The following PTPRG variants were observed in gnomAD, a reference collection of about 807,000 sequenced individuals.
PTPRG encodes protein tyrosine phosphatase receptor type G, also known as receptor-type tyrosine-protein phosphatase gamma.
In PTPRG, 102 loss-of-function variants were observed where a neutral mutation model predicts 165.3. That is an observed-to-expected ratio of 0.62 (90% CI 0.53 to 0.73). The LOEUF (loss-of-function observed/expected upper bound fraction) is 0.73, where lower values mean the gene tolerates loss of function less well. Among genes scored for constraint, PTPRG ranks in the 30% least tolerant of loss-of-function variants. The pLI is 0.00. For missense variants in PTPRG, 1,866 were observed against 1,861.4 expected (o/e 1.00, Z -0.05); for synonymous variants, 675 against 669.5 (o/e 1.01, Z -0.13).
intron 4 of PTPRG, among the ~76,000 whole-genome samples, chr3:62,060,665 C>G (rs985051066): frequency 5.9e-5 from 9 of 152,108 alleles, no homozygotes; most frequent in Non-Finnish European, 1.5e-5. Context: ...TCTTGTATTT[C>G]TTGTTTCAAA....
intron 1 of PTPRG, among the ~76,000 whole-genome samples, chr3:61,654,691 T>C (rs1374623760): frequency 6.7e-6 from 1 of 149,834 alleles, no homozygotes; most frequent in Non-Finnish European, 1.5e-5. Flanking sequence ...TGGCCTATAA[T>C]ATAATTCTAT....
intron 1 of PTPRG, among the ~76,000 whole-genome samples, chr3:61,601,315 T>A (rs1700861376): frequency 6.6e-6 from 1 of 152,164 alleles, no homozygotes; most frequent in African/African-American, 2.4e-5. Flanking sequence ...GGTATCGGCT[T>A]CTGTTCGATG....
intron 17 of PTPRG, chr3:62,264,248 G>C (rs1701791499): frequency 1.3e-5 from 2 of 152,198 alleles, no homozygotes; most frequent in African/African-American, 2.4e-5. Context: ...AGGAGGGGGA[G>C]GTTGTTGTGA....
chr3:62,068,904 A>G (rs904293208), intron 4 of PTPRG, among the ~76,000 whole-genome samples: 2 of 152,220 alleles, frequency 1.3e-5, no homozygotes, highest in African/African-American at 4.8e-5. Context: ...TCTGTGATTA[A>G]TGATATTGCA....
intron 4 of PTPRG, among the ~76,000 whole-genome samples, chr3:62,064,807 G>A (rs1023171436): frequency 3.7e-5 from 5 of 136,684 alleles, no homozygotes; most frequent in East Asian, 2.2e-4. Flanking sequence ...ATCTGGGCTC[G>A]CCGCAACATC....
chr3:61,796,928 T>C (rs1216315370), intron 2 of PTPRG, among the ~76,000 whole-genome samples: 3 of 152,242 alleles, frequency 2.0e-5, no homozygotes, highest in African/African-American at 7.2e-5. Context: ...TTAATCCATA[T>C]GTTTTCATGA....
chr3:62,048,364 G>A (rs1700363942), intron 4 of PTPRG, among the ~76,000 whole-genome samples: 1 of 152,088 alleles, frequency 6.6e-6, no homozygotes, highest in African/African-American at 2.4e-5. Context: ...TTGAGTCTTT[G>A]GGGTGGAAGA....
chr3:61,788,009 C>T lies in PTPRG; in HGVS notation c.190+39027C>T, dbSNP rs2034761102. Among the ~76,000 whole-genome samples, 5 of 152,250 alleles carry T rather than the reference C, an allele frequency of 3.3e-5. No homozygotes were observed. The South Asian group carries it at 1.0e-3, about 32-fold the overall frequency. On this transcript the variant is annotated intron_variant, in intron 2 of 29. Transcript: ENST00000474889. Reference sequence around the variant, plus strand: ...TCTGAGGAAAATAAAGGATTTGTAGCAGTATTCAAAATGTTCCCAGTTTGA... The same window carrying T: ...TCTGAGGAAAATAAAGGATTTGTAGTAGTATTCAAAATGTTCCCAGTTTGA...
chr3:62,183,595 G>C (rs998970123), intron 8 of PTPRG, among the ~76,000 whole-genome samples: 7 of 151,012 alleles, frequency 4.6e-5, no homozygotes, highest in Admixed American at 2.6e-4. Context: ...GAATGGCACA[G>C]AATGAAGGCC....
At chr3:61,973,202 T>C (rs1314893344) in intron 2 of PTPRG, among the ~76,000 whole-genome samples, 8 of 152,340 alleles carry the variant, frequency 5.3e-5, no homozygotes, top group Non-Finnish European at 1.5e-5. Context: ...TATTGCAGCT[T>C]TGTCTGCATT....
intron 15 of PTPRG, among the ~76,000 whole-genome samples, chr3:62,248,384 T>C (rs1701338358): frequency 6.6e-6 from 1 of 152,170 alleles, no homozygotes; most frequent in South Asian, 2.1e-4. Flanking sequence ...TGGTTACTGG[T>C]TTCCCATTGT....
At chr3:61,801,287 C>A (rs552968029) in intron 2 of PTPRG, among the ~76,000 whole-genome samples, 9 of 151,782 alleles carry the variant, frequency 5.9e-5, no homozygotes, top group African/African-American at 2.2e-4. Context: ...GGGTGGTGTG[C>A]GCACACGCAT....
At chr3:62,167,567 T>C (rs938351738) in intron 7 of PTPRG, among the ~76,000 whole-genome samples, 5 of 152,180 alleles carry the variant, frequency 3.3e-5, no homozygotes, top group African/African-American at 1.2e-4. Flanking sequence ...GGGTAGGCGA[T>C]GGAGTTAGTA....
chr3:62,069,728 A>T (rs9869143), intron 4 of PTPRG, among the ~76,000 whole-genome samples: 4 of 148,484 alleles, frequency 2.7e-5, no homozygotes, highest in East Asian at 2.0e-4. Context: ...GCACGCACAG[A>T]GTAACTCCGG....
At chr3:61,794,561 A>G (rs1451111303) in intron 2 of PTPRG, among the ~76,000 whole-genome samples, 1 of 152,248 alleles carries the variant, frequency 6.6e-6, no homozygotes, top group East Asian at 1.9e-4. Flanking sequence ...GTGTAAAGAA[A>G]ATTGAAATAT....
intron 1 of PTPRG, among the ~76,000 whole-genome samples, chr3:61,703,485 G>A (rs577855883): frequency 3.0e-4 from 45 of 152,104 alleles, no homozygotes; most frequent in Non-Finnish European, 5.0e-4. Flanking sequence ...ATCCAGATTT[G>A]GAAACCAAAA....
intron 1 of PTPRG, among the ~76,000 whole-genome samples, chr3:61,670,926 T>A (rs1014239688): frequency 6.6e-6 from 1 of 152,088 alleles, no homozygotes; most frequent in Admixed American, 6.6e-5. Flanking sequence ...GAGTGTGACG[T>A]AGAGACACTG....
chr3:61,701,713 A>G (rs2030970295), intron 1 of PTPRG, among the ~76,000 whole-genome samples: 1 of 152,146 alleles, frequency 6.6e-6, no homozygotes, highest in Admixed American at 6.5e-5. Flanking sequence ...GCCTGGCAAC[A>G]TGGCGAAACC....
At chr3:62,174,498 C>T (rs1559603633) in intron 8 of PTPRG, among the ~76,000 whole-genome samples, 1 of 152,152 alleles carries the variant, frequency 6.6e-6, no homozygotes, top group East Asian at 1.9e-4. Flanking sequence ...CTAAACATTG[C>T]TTCCTGTTTT....
Sources: gnomAD v4.1 joint callset for allele counts (sites outside exome capture counted in the v4.1 genomes callset) on GRCh38, gnomAD v4.1.1 for gene constraint, MANE v1.5 for transcripts, NCBI Gene and HGNC (gene_info 2026-07-23, HGNC 2026-07-21) for gene names.